Variants in ZNF37A observed in about 807,000 individuals in gnomAD.
ZNF37A encodes the protein zinc finger protein 37A.
A neutral mutation model predicts 12.3 loss-of-function variants in ZNF37A; 10 were observed. That is an observed-to-expected ratio of 0.82 (90% confidence interval 0.50 to 1.38). The LOEUF (loss-of-function observed/expected upper bound fraction) is 1.38, where lower values mean the gene tolerates loss of function less well. Ranked by LOEUF, ZNF37A falls within the 40% of genes most tolerant of loss-of-function variation. The pLI is 0.00. For synonymous variants in ZNF37A, 207 were observed against 223.0 expected (o/e 0.93, Z 0.64); for missense variants, 580 against 651.2 (o/e 0.89, Z 1.19).
At chr10:38,096,840 GA>G (rs36062291) in intron 5 of ZNF37A, among the ~76,000 whole-genome samples, 4,372 of 151,254 alleles carry the variant, frequency 0.029, 121 homozygotes, top group African/African-American at 0.078. Context: ...GTGGCTGAGG[GA>G]AAAAAAACAA....
intron 7 of ZNF37A, among the ~76,000 whole-genome samples, chr10:38,135,737 G>A (rs142381916): frequency 2.2e-4 from 33 of 152,288 alleles, no homozygotes; most frequent in African/African-American, 7.7e-4. Flanking sequence ...CCTCACAGGC[G>A]GCAGGGGAGA....
At chr10:38,128,354 G>A (rs749667476), downstream of ZNF37A, among the ~76,000 whole-genome samples, 64 of 152,136 alleles carry the variant, frequency 4.2e-4, 1 homozygote, top group Non-Finnish European at 2.2e-4. Flanking sequence ...AAATGCAGTG[G>A]GAGAAATTAA....
intron 5 of ZNF37A, among the ~76,000 whole-genome samples, chr10:38,098,096 C>T (rs1357384073): frequency 6.6e-6 from 1 of 152,184 alleles, no homozygotes; most frequent in Non-Finnish European, 1.5e-5. Context: ...TGATCTCTCA[C>T]TTAGAATAAT....
At chr10:38,110,188 C>T (rs188170119) in intron 5 of ZNF37A, among the ~76,000 whole-genome samples, 7 of 152,004 alleles carry the variant, frequency 4.6e-5, no homozygotes, top group South Asian at 2.1e-4. Flanking sequence ...GAGTACCACA[C>T]GTCTACAACC....
chr10:38,139,832 C>T (rs756565200), intron 7 of ZNF37A: 7 of 152,086 alleles, frequency 4.6e-5, no homozygotes, highest in Non-Finnish European at 1.0e-4. Context: ...TTATTTATAA[C>T]GTACCAAATC....
At chr10:38,099,268 C>CAG (rs1403783181) in intron 5 of ZNF37A, among the ~76,000 whole-genome samples, 3 of 152,168 alleles carry the variant, frequency 2.0e-5, no homozygotes, top group Non-Finnish European at 4.4e-5. Context: ...ACCTATTAAA[C>CAG]AGTAACTCCC....
In ZNF37A at chr10:38,117,759, A is replaced by G; in HGVS notation, c.608A>G (p.Asn203Ser). ...CATCCAAGAGAAAACCACTATGGTAATGAATGTGGAGAAAATATCTTTGAG... is the reference window on the plus strand; with the variant it reads ...CATCCAAGAGAAAACCACTATGGTAGTGAATGTGGAGAAAATATCTTTGAG... Reference protein sequence around the residue: ...QTHPRENHYGNECGENIFEES... With the variant: ...QTHPRENHYGSECGENIFEES... Residue 203 changes from asparagine (N) to serine (S), a missense_variant, in exon 8 of 8, where the codon AAT becomes AGT. Transcript: ENST00000685332. 1.2e-6 allele frequency: 2 copies of G among 1,614,026 alleles called. No homozygotes were observed. The highest frequency in any genetic ancestry group is 1.7e-6 in the Non-Finnish European group (2 of 1,179,988).
intron 7 of ZNF37A, among the ~76,000 whole-genome samples, chr10:38,133,785 G>A (rs1172854501): frequency 6.6e-6 from 1 of 152,184 alleles, no homozygotes; most frequent in Non-Finnish European, 1.5e-5. Context: ...ACATGTGCGT[G>A]TGTTTTTATA....
At chr10:38,113,885 C>G (rs1235780898) in intron 5 of ZNF37A, among the ~76,000 whole-genome samples, 1 of 152,130 alleles carries the variant, frequency 6.6e-6, no homozygotes, top group Non-Finnish European at 1.5e-5. Context: ...GAGCCTATGG[C>G]CTAAAGGAAG....
In ZNF37A at chr10:38,112,781, T is replaced by TC. The variant is rs1564932393; in HGVS notation, c.16-1974_16-1973insC. Among the ~76,000 whole-genome samples the TC allele has an allele frequency of 3.6e-5, 2 of 55,312 alleles. 1 individual carries two copies. Among genetic ancestry groups the TC allele is most frequent in the Non-Finnish European group, 7.9e-5 (2 of 25,414 alleles). 36.3% of individuals were successfully genotyped at this position (55,312 alleles called of 152,430 possible). A position where few individuals can be genotyped will look rare whatever the true frequency, so the allele number is the denominator to read the frequency against. ...TTTTCTTTTCTTTTCTTTTCTTTTC[T>TC]TTTCTTTTCTTTTCTTGTCTTGTCT... is the stretch of plus-strand genomic sequence containing the variant. On this transcript the variant is annotated intron_variant, in intron 5 of 7. Coordinates refer to ENST00000685332, the MANE Select transcript of ZNF37A (RefSeq NM_001324250.3).
chr10:38,107,366 G>A (rs2068198608), intron 5 of ZNF37A, among the ~76,000 whole-genome samples: 1 of 152,066 alleles, frequency 6.6e-6, no homozygotes, highest in Non-Finnish European at 1.5e-5. Context: ...CACTAAACAT[G>A]GAAAGGAACA....
At chr10:38,144,254 C>T (rs2070224633) in intron 7 of ZNF37A, 1 of 151,538 alleles carries the variant, frequency 6.6e-6, no homozygotes, top group East Asian at 1.9e-4. Context: ...TGTATTTAGC[C>T]AGAACTTAGT....
downstream of ZNF37A, among the ~76,000 whole-genome samples, chr10:38,128,064 G>GA (rs1279972991): frequency 6.6e-6 from 1 of 152,050 alleles, no homozygotes; most frequent in Admixed American, 6.6e-5. Flanking sequence ...AATGAGTGGG[G>GA]AAAAAATGTA....
At chr10:38,113,205 A>ATTTTTTTTTTTTTTTTTTTTT (rs71007697) in intron 5 of ZNF37A, among the ~76,000 whole-genome samples, 4 of 75,832 alleles carry the variant, frequency 5.3e-5, no homozygotes, top group Admixed American at 1.9e-4. Flanking sequence ...TTAGTCTGTG[A>ATTTTTTTTTTTTTTTTTTTTT]TTTTTTTTTT....
rs1042669757 is a variant in ZNF37A, at chr10:38,094,366, TC to T, written c.-615del. ...TGTAGTGTGCACTTTTCGGCCCCCG[TC>T]GCGGGAGCCGCTTCGGGCCTTCTGG... On this transcript the variant is annotated 5_prime_UTR_variant, in exon 1 of 8. Transcript: ENST00000685332. 2.0e-5 allele frequency: 3 copies of T among 147,276 alleles called. No individual in the cohort carries two copies. The highest frequency in any genetic ancestry group is 7.9e-5 in the African/African-American group (3 of 37,828). 9.1% of individuals were successfully genotyped at this position (147,276 alleles called of 1,614,324 possible).
intron 6 of ZNF37A, 131 bp from the exon 7 acceptor site, chr10:38,115,064 G>A: frequency 1.1e-6 from 1 of 893,442 alleles, no homozygotes; most frequent in Non-Finnish European, 1.6e-6. Context: ...AGGATTAAAT[G>A]AAGTGTGTGT....
intron 7 of ZNF37A, 179 bp downstream of exon 7, chr10:38,115,469 G>T: frequency 1.3e-6 from 1 of 767,684 alleles, no homozygotes; most frequent in South Asian, 2.2e-5. Context: ...GCATCTCCCA[G>T]TATCACTTTC....
In ZNF37A at chr10:38,119,419, G is replaced by A. The variant is rs1386818657; in HGVS notation, c.*582G>A. ...TTACTATGAGGTTATATTTTATGGAGTATATGTAATAAGAAGTAGCTTCTC... is the reference window on the plus strand; with the variant it reads ...TTACTATGAGGTTATATTTTATGGAATATATGTAATAAGAAGTAGCTTCTC... On this transcript the variant is annotated 3_prime_UTR_variant, in exon 8 of 8. Transcript: ENST00000685332. The A allele has an allele frequency of 8.1e-6, 8 of 985,884 alleles. No individual in the cohort carries two copies. The highest frequency in any genetic ancestry group is 9.7e-6 in the Non-Finnish European group (8 of 828,824). 61.1% of individuals were successfully genotyped at this position (985,884 alleles called of 1,614,324 possible). A position where few individuals can be genotyped will look rare whatever the true frequency, so the allele number is the denominator to read the frequency against.
chr10:38,124,318 G>A lies in ZNF37A; in HGVS notation c.*5481G>A, dbSNP rs1184525600. ...GGGTAGAAGGATGTTTACCAGAGGC[G>A]GGAAAGGCAGTGAGGGCATGGTGAG... is the stretch of plus-strand genomic sequence containing the variant. On this transcript the variant is annotated 3_prime_UTR_variant, in exon 8 of 8. Transcript: ENST00000685332. 5 of 152,180 alleles carry A rather than the reference G, an allele frequency of 3.3e-5. No homozygotes were observed. Among genetic ancestry groups the A allele is most frequent in the East Asian group, 1.9e-4 (1 of 5,188 alleles). The allele number at this position is 152,180 out of a possible 1,614,324, so 9.4% of individuals were successfully genotyped here.
Sources: gnomAD v4.1 joint callset for allele counts (sites outside exome capture counted in the v4.1 genomes callset) on GRCh38, gnomAD v4.1.1 for gene constraint, MANE v1.5 for transcripts, NCBI Gene and HGNC (gene_info 2026-07-23, HGNC 2026-07-21) for gene names.